OPRL1: variants seen among roughly 807,000 people sequenced by gnomAD.
The protein encoded by OPRL1 is opioid related nociceptin receptor 1.
OPRL1 carries 5 observed loss-of-function variants against 15.5 expected under a neutral mutation model. That is an observed-to-expected ratio of 0.32 (90% CI 0.17 to 0.68). The LOEUF (loss-of-function observed/expected upper bound fraction) is 0.68, where lower values mean the gene tolerates loss of function less well. Among genes scored for constraint, OPRL1 ranks in the 30% least tolerant of loss-of-function variants. The pLI is 0.72. For synonymous variants in OPRL1, 223 were observed against 230.2 expected (o/e 0.97, Z 0.28); for missense variants, 406 against 515.3 (o/e 0.79, Z 2.05).
rs780823686 is a variant in OPRL1, at chr20:64,098,111, C to T, written c.543C>T (p.Val181=). 1.5e-5 allele frequency: 25 copies of T among 1,613,142 alleles called. No homozygotes were observed. Among genetic ancestry groups the T allele is most frequent in the African/African-American group, 1.5e-4 (11 of 74,934 alleles). Residue 181 remains valine (V), a synonymous_variant, in exon 4 of 5, where the codon GTC becomes GTT. Coordinates refer to ENST00000336866, the MANE Select transcript of OPRL1 (RefSeq NM_182647.4). Reference sequence around the variant, plus strand: ...CCATCTGGGCCCTGGCCTCTGTTGTCGGTGTTCCCGTTGCCATCATGGGCT... The same window carrying T: ...CCATCTGGGCCCTGGCCTCTGTTGTTGGTGTTCCCGTTGCCATCATGGGCT... The part of the protein sequence containing the change: ...NVAIWALASV[V]GVPVAIMGSA...
In OPRL1 at chr20:64,083,581, A is replaced by G. The variant is rs747635263; in HGVS notation, c.-185+3229A>G. 6.6e-7 allele frequency: 1 copy of G among 1,509,558 alleles called. No individual in the cohort carries two copies. The highest frequency in any genetic ancestry group is 8.9e-7 in the Non-Finnish European group (1 of 1,128,354). 93.5% of individuals were successfully genotyped at this position (1,509,558 alleles called of 1,614,324 possible). A position where few individuals can be genotyped will look rare whatever the true frequency, so the allele number is the denominator to read the frequency against. The stretch of plus-strand genomic sequence containing the variant: ...CCCGCCCCTACCGGGGCTTGTCTGC[A>G]CCTCTTGGCGGTCCAGGGGGTCCGG... On this transcript the variant is annotated intron_variant, in intron 1 of 4. Coordinates refer to ENST00000336866, the MANE Select transcript of OPRL1 (RefSeq NM_182647.4). This position sits in a 1 kb window ranked among gnomAD's most constrained non-coding sequence, Gnocchi z 4.9.
At position 64,097,882 on chromosome 20, in the gene OPRL1, C is replaced by T; in HGVS notation, c.314C>T (p.Pro105Leu). 6.2e-7 allele frequency: 1 copy of T among 1,613,638 alleles called. No homozygotes were observed. ...LADTLVLLTL[P>L]FQGTDILLGF... ...GACACTCTGGTCCTGCTGACGCTGC[C>T]CTTCCAGGGCACGGACATCCTCCTG... is the stretch of plus-strand genomic sequence containing the variant. Residue 105 changes from proline (P) to leucine (L), a missense_variant, in exon 4 of 5, where the codon CCC becomes CTC. Pro to Leu is a moderately conservative substitution (Grantham distance 98, BLOSUM62 -3). Coordinates refer to ENST00000336866, the MANE Select transcript of OPRL1 (RefSeq NM_182647.4). This position sits in a 1 kb window ranked among gnomAD's most constrained non-coding sequence, Gnocchi z 4.2.
chr20:64,086,513 T>C (rs1309136665), intron 1 of OPRL1: 1 of 197,116 alleles, frequency 5.1e-6, no homozygotes, highest in Non-Finnish European at 1.2e-5. Flanking sequence ...AGGATTCACG[T>C]GTTTTTCAAG....
At chr20:64,088,794 T>C (rs945215115) in intron 1 of OPRL1, among the ~76,000 whole-genome samples, 4 of 124,626 alleles carry the variant, frequency 3.2e-5, no homozygotes, top group South Asian at 2.7e-4. Context: ...CTGTGCAGAG[T>C]GGCCAGGATC....
At chr20:64,084,195 C>A (rs4431000) in intron 1 of OPRL1, 678,055 of 1,433,762 alleles carry the variant, frequency 0.47, 162,481 homozygotes, top group East Asian at 0.59. Flanking sequence ...CCCTTGCGCC[C>A]GCCCTCCTTC....
Position 64,092,675 on chromosome 20 carries a change from C to T in OPRL1, c.-33-13C>T, listed in dbSNP as rs372320840. On this transcript the variant is annotated splice_polypyrimidine_tract_variant and intron_variant, in intron 2 of 4. Transcript: ENST00000336866. ...CTGGCACTGCAGCCACTTGTCTCTG[C>T]GCTCTGTCCCAGGTACCGTACAGAG... The T allele has an allele frequency of 3.6e-4, 569 of 1,568,426 alleles. 2 individuals carry two copies. In the African/African-American group the frequency reaches 6.7e-3, roughly 18 times the overall value.
intron 3 of OPRL1, 110 bp downstream of exon 3, chr20:64,093,063 TC>T: frequency 1.1e-6 from 1 of 940,216 alleles, no homozygotes; most frequent in Non-Finnish European, 1.6e-6. Context: ...ATTTCCTGCT[TC>T]CCCCATTCAA....
intron 1 of OPRL1, among the ~76,000 whole-genome samples, chr20:64,081,930 G>T (rs1428775542): frequency 6.6e-6 from 1 of 152,160 alleles, no homozygotes; most frequent in Admixed American, 6.5e-5. Context: ...GATGCAGAGT[G>T]ACCCATCCCC....
At chr20:64,084,191 C>G (rs1220637106) in intron 1 of OPRL1, 11 of 1,442,342 alleles carry the variant, frequency 7.6e-6, no homozygotes, top group Non-Finnish European at 1.0e-5. Flanking sequence ...CGGGCCCTTG[C>G]GCCCGCCCTC....
intron 1 of OPRL1, among the ~76,000 whole-genome samples, chr20:64,082,672 T>A (rs6122247): frequency 6.6e-6 from 1 of 151,966 alleles, no homozygotes; most frequent in African/African-American, 2.4e-5. Flanking sequence ...AGAGCTCACG[T>A]CGGGGAGAAA....
chr20:64,088,549 G>T (rs529386642), intron 1 of OPRL1, among the ~76,000 whole-genome samples: 7 of 141,480 alleles, frequency 4.9e-5, no homozygotes, highest in African/African-American at 7.9e-5. Flanking sequence ...TCTGTGCCAG[G>T]TTTTGGGGGC....
At chr20:64,081,939 C>T (rs193083970) in intron 1 of OPRL1, among the ~76,000 whole-genome samples, 2 of 152,246 alleles carry the variant, frequency 1.3e-5, no homozygotes, top group Admixed American at 1.3e-4. Context: ...TGACCCATCC[C>T]CTTTGGAGCA....
intron 1 of OPRL1, among the ~76,000 whole-genome samples, chr20:64,084,624 G>A (rs2060022432): frequency 6.6e-6 from 1 of 152,196 alleles, no homozygotes; most frequent in African/African-American, 2.4e-5. Flanking sequence ...CTATGTCTGC[G>A]GTCCCCGACA....
chr20:64,083,880 G>C lies in OPRL1; in HGVS notation c.-185+3528G>C. The C allele has an allele frequency of 7.0e-7, 1 of 1,437,388 alleles. No homozygotes were observed. Among genetic ancestry groups the C allele is most frequent in the Non-Finnish European group, 9.1e-7 (1 of 1,102,420 alleles). The allele number at this position is 1,437,388 out of a possible 1,614,324, so 89.0% of individuals were successfully genotyped here. On this transcript the variant is annotated intron_variant, in intron 1 of 4. Coordinates refer to ENST00000336866, the MANE Select transcript of OPRL1 (RefSeq NM_182647.4). The surrounding 1 kb of genome is among the most constrained non-coding windows in gnomAD (Gnocchi z 4.9). ...CGCCCGCGGGCCTCCGCTGCCTTGA[G>C]GACGCCGAGGAGCCGGTTCTGGCGC...
Position 64,083,268 on chromosome 20 carries a change from C to T in OPRL1, c.-185+2916C>T, listed in dbSNP as rs2059988764. On this transcript the variant is annotated intron_variant, in intron 1 of 4. Transcript: ENST00000336866. The surrounding 1 kb of genome is among the most constrained non-coding windows in gnomAD (Gnocchi z 4.9). Reference sequence around the variant, plus strand: ...CGTCTCCCCACTTTTTTGGGAGAGGCCCCACTCTCTGTACCCTGATGTCTG... The same window carrying T: ...CGTCTCCCCACTTTTTTGGGAGAGGTCCCACTCTCTGTACCCTGATGTCTG... 5.9e-5 allele frequency: 59 copies of T among 994,114 alleles called. No homozygotes were observed. In the South Asian group the frequency reaches 9.2e-4, roughly 16 times the overall value. The allele number at this position is 994,114 out of a possible 1,614,324, so 61.6% of individuals were successfully genotyped here.
intron 3 of OPRL1, 94 bp downstream of exon 3, chr20:64,093,047 G>T: frequency 9.0e-7 from 1 of 1,112,068 alleles, no homozygotes; most frequent in South Asian, 1.5e-5. Flanking sequence ...GCCTGAGCAG[G>T]TGTTGATTTC....
rs1295352905 is a variant in OPRL1 at position 64,089,673 on chromosome 20, G to A, written c.-184-2293G>A. On this transcript the variant is annotated intron_variant, in intron 1 of 4. Transcript: ENST00000336866. The surrounding 1 kb of genome is among the most constrained non-coding windows in gnomAD (Gnocchi z 5.5). ...GGTGGAAGACAGACATGCGAAGGGA[G>A]AGGTGTCTGCAGTAGCAGGGATGAG... is the stretch of plus-strand genomic sequence containing the variant. 6.6e-6 allele frequency among the ~76,000 whole-genome samples: 1 copy of A among 152,170 alleles called. No homozygotes were observed. The highest frequency in any genetic ancestry group is 2.4e-5 in the African/African-American group (1 of 41,440).
Position 64,090,683 on chromosome 20 carries a change from G to A in OPRL1, c.-184-1283G>A, listed in dbSNP as rs2145594513. On this transcript the variant is annotated intron_variant, in intron 1 of 4. Transcript: ENST00000336866. The surrounding 1 kb of genome is among the most constrained non-coding windows in gnomAD (Gnocchi z 4.9). ...CTGAGAAGGAGGCAACTCTGAAGGG[G>A]CCATTCAGCTGTGTGGGTGCCAGGG... 6.6e-6 allele frequency among the ~76,000 whole-genome samples: 1 copy of A among 152,350 alleles called. No individual in the cohort carries two copies. Among genetic ancestry groups the A allele is most frequent in the Non-Finnish European group, 1.5e-5 (1 of 68,024 alleles).
At chr20:64,085,442 CTG>C (rs1360258471) in intron 1 of OPRL1, among the ~76,000 whole-genome samples, 1 of 152,166 alleles carries the variant, frequency 6.6e-6, no homozygotes, top group East Asian at 1.9e-4. Flanking sequence ...TTGCTGAACA[CTG>C]TGTCTTGGGA....
Sources: allele counts gnomAD v4.1 joint callset (sites outside exome capture counted in the v4.1 genomes callset), GRCh38; gene constraint gnomAD v4.1.1; non-coding constraint Gnocchi (gnomAD v3.1); transcripts MANE v1.5; gene names NCBI Gene and HGNC (gene_info 2026-07-23, HGNC 2026-07-21).